The following WWOX variants were observed in gnomAD, a reference collection of about 807,000 sequenced individuals.
WWOX encodes WW domain containing oxidoreductase, also known as WW domain-containing oxidoreductase.
Under a neutral mutation model 46.2 loss-of-function variants are expected in WWOX, and 69 were observed. That is an observed-to-expected ratio of 1.49 (90% confidence interval 1.23 to 1.82). The LOEUF (loss-of-function observed/expected upper bound fraction) is 1.82, where lower values mean the gene tolerates loss of function less well. Ranked by LOEUF, WWOX falls within the 40% of genes most tolerant of loss-of-function variation. WWOX has a pLI of 0.00. For synonymous variants in WWOX, 359 were observed against 202.6 expected (o/e 1.77, Z -6.56); for missense variants, 919 against 542.6 (o/e 1.69, Z -6.89).
At chr16:78,617,419 A>T (rs1038708642) in intron 8 of WWOX, among the ~76,000 whole-genome samples, 1 of 146,858 alleles carries the variant, frequency 6.8e-6, no homozygotes, top group Non-Finnish European at 1.5e-5. Flanking sequence ...AAAAAAAAAA[A>T]AGTGACCACA....
At chr16:78,293,863 C>G (rs539984387) in intron 5 of WWOX, among the ~76,000 whole-genome samples, 1 of 151,556 alleles carries the variant, frequency 6.6e-6, no homozygotes, top group South Asian at 2.1e-4. Flanking sequence ...TTAATCCCAG[C>G]TGCTCAGGAG....
At chr16:78,448,064 G>A (rs968730482) in intron 8 of WWOX, among the ~76,000 whole-genome samples, 7 of 152,012 alleles carry the variant, frequency 4.6e-5, no homozygotes, top group Non-Finnish European at 1.5e-5. Context: ...TCAGCCTCCC[G>A]ATGTGTTGGG....
intron 6 of WWOX, among the ~76,000 whole-genome samples, chr16:78,420,680 G>A (rs1490246218): frequency 6.9e-6 from 1 of 145,516 alleles, no homozygotes; most frequent in Non-Finnish European, 1.5e-5. Flanking sequence ...AGTTAAAAAA[G>A]TGCTATAAAA....
intron 4 of WWOX, among the ~76,000 whole-genome samples, chr16:78,158,344 T>A (rs1409111354): frequency 3.3e-5 from 5 of 152,202 alleles, no homozygotes; most frequent in African/African-American, 1.2e-4. Flanking sequence ...AATTGACTAC[T>A]TTGTTATTGT....
chr16:78,770,489 G>C (rs1447968961), intron 8 of WWOX, among the ~76,000 whole-genome samples: 1 of 152,200 alleles, frequency 6.6e-6, no homozygotes, highest in East Asian at 1.9e-4. Context: ...TCTGGACTGG[G>C]CCATGGCCCA....
At chr16:78,136,156 C>T (rs1318305821) in intron 4 of WWOX, among the ~76,000 whole-genome samples, 6 of 152,052 alleles carry the variant, frequency 3.9e-5, no homozygotes, top group Non-Finnish European at 7.4e-5. Context: ...ATTCACAATG[C>T]GTGCCAAACT....
intron 8 of WWOX, among the ~76,000 whole-genome samples, chr16:78,752,329 C>G (rs542427555): frequency 3.3e-5 from 5 of 152,280 alleles, no homozygotes; most frequent in Admixed American, 6.5e-5. Flanking sequence ...ACTCTGTTGC[C>G]CAGGCTAGAG....
At chr16:78,652,892 G>T (rs190148983) in intron 8 of WWOX, among the ~76,000 whole-genome samples, 5 of 152,242 alleles carry the variant, frequency 3.3e-5, no homozygotes, top group Admixed American at 1.3e-4. Flanking sequence ...GCCCATCACA[G>T]TTCTGGAGTT....
chr16:78,684,363 G>C (rs183073656), intron 8 of WWOX, among the ~76,000 whole-genome samples: 10 of 152,318 alleles, frequency 6.6e-5, no homozygotes, highest in Admixed American at 3.9e-4. Context: ...TGAACCATGA[G>C]GGTTTTCCTT....
intron 8 of WWOX, among the ~76,000 whole-genome samples, chr16:78,881,034 C>T (rs1017251140): frequency 1.4e-5 from 2 of 146,332 alleles, no homozygotes; most frequent in Non-Finnish European, 3.0e-5. Context: ...GCCCTGTTGC[C>T]AGGCTGGAGT....
At chr16:78,197,512 A>G (rs1180713636) in intron 5 of WWOX, among the ~76,000 whole-genome samples, 4 of 152,314 alleles carry the variant, frequency 2.6e-5, no homozygotes, top group Admixed American at 1.3e-4. Context: ...TTTGAGGTCA[A>G]TTTGAATCTG....
At chr16:78,438,299 G>A (rs1283975635) in intron 8 of WWOX, among the ~76,000 whole-genome samples, 1 of 152,078 alleles carries the variant, frequency 6.6e-6, no homozygotes, top group African/African-American at 2.4e-5. Flanking sequence ...TGATATACCA[G>A]CCTTGTAAAC....
At chr16:78,673,839 G>T (rs1285142471) in intron 8 of WWOX, among the ~76,000 whole-genome samples, 1 of 151,982 alleles carries the variant, frequency 6.6e-6, no homozygotes, top group Non-Finnish European at 1.5e-5. Context: ...GTATCCTCCC[G>T]CAGAGGTTTG....
chr16:79,094,561 G>A (rs1273846739), intron 8 of WWOX, among the ~76,000 whole-genome samples: 1 of 151,940 alleles, frequency 6.6e-6, no homozygotes, highest in East Asian at 1.9e-4. Flanking sequence ...CATTTCCTCA[G>A]TTTTAAAAAG....
chr16:78,832,898 A>T (rs373333684), intron 8 of WWOX, among the ~76,000 whole-genome samples: 1 of 151,886 alleles, frequency 6.6e-6, no homozygotes, highest in African/African-American at 2.4e-5. Context: ...AGTTCTATTT[A>T]TTTTTCTCTC....
At chr16:78,871,514 A>G (rs1472186070) in intron 8 of WWOX, among the ~76,000 whole-genome samples, 1 of 152,114 alleles carries the variant, frequency 6.6e-6, no homozygotes, top group Non-Finnish European at 1.5e-5. Context: ...AGGTGACAAG[A>G]TCTCCAAGGA....
At chr16:78,387,572 G>T (rs546790085) in intron 6 of WWOX, among the ~76,000 whole-genome samples, 1 of 152,086 alleles carries the variant, frequency 6.6e-6, no homozygotes, top group Non-Finnish European at 1.5e-5. Context: ...GTAGGAGAAA[G>T]GGAGAGAAGC....
chr16:78,640,171 A>G (rs377563860), intron 8 of WWOX, among the ~76,000 whole-genome samples: 38 of 149,728 alleles, frequency 2.5e-4, no homozygotes, highest in African/African-American at 4.7e-4. Flanking sequence ...GGAGTTGCCA[A>G]CGTCCTCTCC....
Position 78,306,195 on chromosome 16 carries a change from C to G in WWOX, c.517-80665C>G, listed in dbSNP as rs189958809. ...GTGGCTTCTTCATCCAAAGAAAGAA[C>G]AAATGACAAAAAGAAAAATTTTGAT... On this transcript the variant is annotated intron_variant, in intron 5 of 8. Transcript: ENST00000566780. Among the ~76,000 whole-genome samples, 285 of 152,168 alleles carry G rather than the reference C, an allele frequency of 1.9e-3. 1 individual carries two copies. Among genetic ancestry groups the G allele is most frequent in the South Asian group, 3.8e-3 (18 of 4,796 alleles).
Sources: allele counts gnomAD v4.1 joint callset (sites outside exome capture counted in the v4.1 genomes callset), GRCh38; gene constraint gnomAD v4.1.1; transcripts MANE v1.5; gene names NCBI Gene and HGNC (gene_info 2026-07-23, HGNC 2026-07-21).